Variants in TRUB2 observed in about 807,000 individuals in gnomAD.
The protein encoded by TRUB2 is pseudouridylate synthase TRUB2, mitochondrial.
Under a neutral mutation model 31.9 loss-of-function variants are expected in TRUB2, and 31 were observed. That is an observed-to-expected ratio of 0.97 (90% CI 0.73 to 1.31). The LOEUF is 1.31. Among genes scored for constraint, TRUB2 ranks in the 50% most tolerant of loss-of-function variants. The pLI is 0.00. For synonymous variants in TRUB2, 201 were observed against 182.6 expected (o/e 1.10, Z -0.81); for missense variants, 451 against 439.6 (o/e 1.03, Z -0.23).
At chr9:128,313,020 A>G (rs1197383196) in intron 5 of TRUB2, among the ~76,000 whole-genome samples, 1 of 151,250 alleles carries the variant, frequency 6.6e-6, no homozygotes, top group African/African-American at 2.4e-5. Flanking sequence ...GTTCCAGACC[A>G]GACTGGCCAA....
chr9:128,313,643 G>T (rs930013213), intron 5 of TRUB2, among the ~76,000 whole-genome samples, 165 bp downstream of exon 5: 1 of 152,222 alleles, frequency 6.6e-6, no homozygotes, highest in Non-Finnish European at 1.5e-5. Flanking sequence ...AGGCAAGCAG[G>T]GGAGTAGAGG....
Position 128,306,735 on chromosome 9 carries a change from CT to C in TRUB2, c.*2814del, listed in dbSNP as rs879861880. ...ACAGGCGTGAGCCACCGTGCCCAGC[CT>C]TTTTTTTTTTCTTTTCTGAGACAGA... On this transcript the variant is annotated 3_prime_UTR_variant, in exon 8 of 8. Coordinates refer to ENST00000372890, the MANE Select transcript of TRUB2 (RefSeq NM_015679.3). 3.1e-4 allele frequency: 45 copies of C among 143,678 alleles called. No individual in the cohort carries two copies. Among genetic ancestry groups the C allele is most frequent in the Non-Finnish European group, 2.7e-4 (18 of 65,490 alleles). 8.9% of individuals were successfully genotyped at this position (143,678 alleles called of 1,614,324 possible). A position where few individuals can be genotyped will look rare whatever the true frequency, so the allele number is the denominator to read the frequency against.
intron 2 of TRUB2, among the ~76,000 whole-genome samples, chr9:128,320,827 T>C (rs1378267479): frequency 6.6e-6 from 1 of 151,990 alleles, no homozygotes; most frequent in African/African-American, 2.4e-5. Flanking sequence ...TCTCGCTCTG[T>C]TGCCAGGCTG....
intron 7 of TRUB2, among the ~76,000 whole-genome samples, chr9:128,310,650 C>T (rs1359660602): frequency 2.0e-5 from 3 of 152,042 alleles, no homozygotes; most frequent in Non-Finnish European, 4.4e-5. Context: ...GTCTGGCTTC[C>T]AAGGGTGACT....
At chr9:128,314,414 T>C (rs1036389008) in intron 4 of TRUB2, among the ~76,000 whole-genome samples, 2 of 152,050 alleles carry the variant, frequency 1.3e-5, no homozygotes, top group African/African-American at 2.4e-5. Context: ...AGGCCCTTGC[T>C]CATCCCTGCT....
rs1262149396 is a variant in TRUB2, at chr9:128,315,626, G to A, written c.319C>T (p.Leu107Phe). 2 of 1,613,132 alleles carry A rather than the reference G, an allele frequency of 1.2e-6. No homozygotes were observed. The highest frequency in any genetic ancestry group is 2.7e-5 in the African/African-American group (2 of 74,860). Residue 107 changes from leucine to phenylalanine, a missense_variant and splice_region_variant, in exon 4 of 8, where the codon CTC (leucine) becomes TTC (phenylalanine). Leu to Phe is a conservative substitution (Grantham distance 22). Transcript: ENST00000372890. ...AGCCTGCATCCATGTCCCACGCCGAGCACTGAAAAGCAGCCAGCGTCATCT... is the reference window on the plus strand; with the variant it reads ...AGCCTGCATCCATGTCCCACGCCGAACACTGAAAAGCAGCCAGCGTCATCT... ...LDAQASGVLV[L>F]GVGHGCRLLT...
intron 5 of TRUB2, among the ~76,000 whole-genome samples, chr9:128,312,437 CTT>C (rs954136259): frequency 7.5e-6 from 1 of 132,810 alleles, no homozygotes; most frequent in Non-Finnish European, 1.6e-5. Context: ...CGAACCTGGC[CTT>C]TTTTTTTTTG....
rs1262648630 is a variant in TRUB2 at position 128,305,735 on chromosome 9, TG to T, written c.*3814del. On this transcript the variant is annotated 3_prime_UTR_variant, in exon 8 of 8. Transcript: ENST00000372890. ...TTTCTGACATAGGGTCTCGCTCTGTTGCCCAGGCTGGAGTACAGATCTCCAT... is the reference window on the plus strand; with the variant it reads ...TTTCTGACATAGGGTCTCGCTCTGTTCCCAGGCTGGAGTACAGATCTCCAT... The T allele has an allele frequency of 6.6e-6, 1 of 152,174 alleles. No homozygotes were observed. Among genetic ancestry groups the T allele is most frequent in the Non-Finnish European group, 1.5e-5 (1 of 68,084 alleles). The allele number at this position is 152,174 out of a possible 1,614,324, so 9.4% of individuals were successfully genotyped here. A position where few individuals can be genotyped will look rare whatever the true frequency, so the allele number is the denominator to read the frequency against.
intron 3 of TRUB2, chr9:128,316,572 A>G (rs1832072496): frequency 6.5e-6 from 1 of 153,058 alleles, no homozygotes. Flanking sequence ...GAGAGGGGGC[A>G]TGAGATCATG....
At chr9:128,313,378 A>G (rs902681485) in intron 5 of TRUB2, among the ~76,000 whole-genome samples, 1 of 139,166 alleles carries the variant, frequency 7.2e-6, no homozygotes, top group Non-Finnish European at 1.6e-5. Flanking sequence ...CTAAAAATAC[A>G]AAAAAAAAAA....
Position 128,305,286 on chromosome 9 carries a change from G to A in TRUB2, c.*4264C>T, listed in dbSNP as rs984545645. ...GTGAAAGCCAAGATGAGTAGCCTGG[G>A]GGCCACGCCCCTCCCCCAGGTGCCC... On this transcript the variant is annotated 3_prime_UTR_variant, in exon 8 of 8. Transcript: ENST00000372890. The A allele has an allele frequency of 6.6e-6, 1 of 152,252 alleles. No individual in the cohort carries two copies. Among genetic ancestry groups the A allele is most frequent in the African/African-American group, 2.4e-5 (1 of 41,458 alleles). 9.4% of individuals were successfully genotyped at this position (152,252 alleles called of 1,614,324 possible). A position where few individuals can be genotyped will look rare whatever the true frequency, so the allele number is the denominator to read the frequency against.
In TRUB2 at chr9:128,305,317, A is replaced by G. The variant is rs1434080936; in HGVS notation, c.*4233T>C. 1.3e-5 allele frequency: 2 copies of G among 152,330 alleles called. No individual in the cohort carries two copies. Among genetic ancestry groups the G allele is most frequent in the Non-Finnish European group, 2.9e-5 (2 of 68,124 alleles). The allele number at this position is 152,330 out of a possible 1,614,324, so 9.4% of individuals were successfully genotyped here. ...CGCCCCTCCCCCAGGTGCCCAGTTC[A>G]TACAGGCAGGCAATTGGCAGACGTG... On this transcript the variant is annotated 3_prime_UTR_variant, in exon 8 of 8. Coordinates refer to ENST00000372890, the MANE Select transcript of TRUB2 (RefSeq NM_015679.3).
Position 128,311,831 on chromosome 9 carries a change from A to T in TRUB2, c.461-230T>A, listed in dbSNP as rs965587781. Among the ~76,000 whole-genome samples the T allele has an allele frequency of 3.5e-3, 413 of 118,790 alleles. 1 individual carries two copies. The highest frequency in any genetic ancestry group is 0.012 in the African/African-American group (350 of 29,402). 77.9% of individuals were successfully genotyped at this position (118,790 alleles called of 152,430 possible). ...CATGACTCAGCAGCAAGGGCACTCT[A>T]TTTTTTTTTTTTTTTTTTTTTTGAG... On this transcript the variant is annotated intron_variant, in intron 5 of 7. Coordinates refer to ENST00000372890, the MANE Select transcript of TRUB2 (RefSeq NM_015679.3).
intron 4 of TRUB2, among the ~76,000 whole-genome samples, chr9:128,314,778 A>G (rs919316814): frequency 1.3e-5 from 2 of 152,114 alleles, no homozygotes; most frequent in African/African-American, 2.4e-5. Flanking sequence ...GAGTCTTGCT[A>G]TGTTGCCCAG....
intron 3 of TRUB2, chr9:128,316,942 T>C: frequency 1.8e-6 from 1 of 542,234 alleles, no homozygotes; most frequent in Non-Finnish European, 3.3e-6. Context: ...TGGGAATCAC[T>C]GAATAAAGGT....
chr9:128,316,997 C>G, intron 3 of TRUB2, 155 bp downstream of exon 3: 1 of 632,670 alleles, frequency 1.6e-6, no homozygotes, highest in Non-Finnish European at 2.7e-6. Flanking sequence ...TCCCACCTAT[C>G]CACTCCCCAG....
At chr9:128,319,532 G>A (rs901015773) in intron 2 of TRUB2, among the ~76,000 whole-genome samples, 14 of 151,992 alleles carry the variant, frequency 9.2e-5, no homozygotes, top group Non-Finnish European at 1.9e-4. Flanking sequence ...GTATCCAAGG[G>A]GATTGGGTCC....
intron 3 of TRUB2, 186 bp downstream of exon 3, chr9:128,316,966 A>G (rs1249025891): frequency 1.7e-6 from 1 of 579,098 alleles, no homozygotes; most frequent in African/African-American, 1.9e-5. Flanking sequence ...TGACTGTGGT[A>G]TTAACCTGTG....
At chr9:128,317,071 G>A (rs1453128441) in intron 3 of TRUB2, 81 bp downstream of exon 3, 1 of 1,306,682 alleles carries the variant, frequency 7.7e-7, no homozygotes, top group East Asian at 2.5e-5. Flanking sequence ...TGCCAGGTAA[G>A]AAGTGGGCTG....
Sources: allele counts gnomAD v4.1 joint callset (sites outside exome capture counted in the v4.1 genomes callset), GRCh38; gene constraint gnomAD v4.1.1; transcripts MANE v1.5; gene names NCBI Gene and HGNC (gene_info 2026-07-23, HGNC 2026-07-21).